The following HEATR5B variants were observed in gnomAD, a reference collection of about 807,000 sequenced individuals.
HEATR5B encodes the protein HEAT repeat-containing protein 5B.
Under a neutral mutation model 224.1 loss-of-function variants are expected in HEATR5B, and 156 were observed. The observed-to-expected ratio is 0.70, with a 90% confidence interval of 0.61 to 0.80. The LOEUF is 0.80. Ranked by LOEUF, HEATR5B falls within the 30% of genes least tolerant of loss-of-function variation. The pLI is 0.00. For missense variants in HEATR5B, 2,323 were observed against 2,535.5 expected (o/e 0.92, Z 1.80); for synonymous variants, 1,027 against 893.0 (o/e 1.15, Z -2.68).
chr2:37,040,477 A>G lies in HEATR5B; in HGVS notation c.2898T>C (p.Ser966=), dbSNP rs1669801532. Residue 966 remains serine (S), a synonymous_variant, in exon 20 of 36, where the codon AGT becomes AGC. Transcript: ENST00000233099. ...CCACATAGCCACGATACATCGGACC[A>G]CTAGAATCCACTATCAAAGCAAGTG... ...LHSLALIVDS[S]GPMYRGYVEP... 5 of 1,612,354 alleles carry G rather than the reference A, an allele frequency of 3.1e-6. No individual in the cohort carries two copies. Among genetic ancestry groups the G allele is most frequent in the South Asian group, 2.2e-5 (2 of 90,446 alleles).
chr2:37,040,706 A>T (rs1004132616), intron 19 of HEATR5B, among the ~76,000 whole-genome samples, 188 bp from the exon 20 acceptor site: 1 of 152,184 alleles, frequency 6.6e-6, no homozygotes, highest in Non-Finnish European at 1.5e-5. Flanking sequence ...TTACTTATGT[A>T]TAATAACGTC....
chr2:37,048,661 A>G (rs1385820770), intron 18 of HEATR5B, among the ~76,000 whole-genome samples: 1 of 152,212 alleles, frequency 6.6e-6, no homozygotes, highest in Non-Finnish European at 1.5e-5. Flanking sequence ...TTCATAATCA[A>G]TGGCAAATAT....
intron 18 of HEATR5B, among the ~76,000 whole-genome samples, 181 bp downstream of exon 18, chr2:37,049,472 C>A (rs922688704): frequency 6.6e-6 from 1 of 152,130 alleles, no homozygotes; most frequent in Admixed American, 6.6e-5. Flanking sequence ...TAACATATTA[C>A]AACTTTCCCA....
intron 22 of HEATR5B, among the ~76,000 whole-genome samples, chr2:37,032,214 TA>T (rs1669178621): frequency 6.6e-6 from 1 of 152,094 alleles, no homozygotes; most frequent in Non-Finnish European, 1.5e-5. Context: ...AAGCTGCAAA[TA>T]ATTTTTTTTA....
Position 37,079,141 on chromosome 2 carries a change from G to A in HEATR5B, c.317C>T (p.Ala106Val), listed in dbSNP as rs369606816. Residue 106 changes from alanine to valine, a missense_variant, in exon 3 of 36, where the codon GCG becomes GTG. By Grantham distance (64) the Ala-to-Val change is moderately conservative (BLOSUM62 0). Transcript: ENST00000233099. The stretch of plus-strand genomic sequence containing the variant: ...TTACAATTTTGTTGGTAAGTAGGCC[G>A]CAGTGTCATCTTTATTTCTGATAAT... ...NDIIRNKDDTAAYLPTKLAAV... is the reference protein window; with the variant it reads ...NDIIRNKDDTVAYLPTKLAAV... 23 of 1,601,604 alleles carry A rather than the reference G, an allele frequency of 1.4e-5. No individual in the cohort carries two copies. The highest frequency in any genetic ancestry group is 4.5e-5 in the East Asian group (2 of 44,760).
At chr2:37,017,374 C>G (rs1315237432) in intron 26 of HEATR5B, among the ~76,000 whole-genome samples, 2 of 150,002 alleles carry the variant, frequency 1.3e-5, no homozygotes, top group Non-Finnish European at 3.0e-5. Context: ...GCCTGGGCAA[C>G]AGAGGGAGAC....
chr2:37,028,118 CT>C lies in HEATR5B; in HGVS notation c.3657del (p.Asp1220MetfsTer12), dbSNP rs1217650828. 2 of 1,612,118 alleles carry C rather than the reference CT, an allele frequency of 1.2e-6. No individual in the cohort carries two copies. The highest frequency in any genetic ancestry group is 3.3e-5 in the Admixed American group (2 of 60,008). ...SSGKDEEAEK[K>X]DEMDDDTMFT... is the part of the protein sequence containing the mutation. Reference sequence around the variant, plus strand: ...AACATGGTATCATCATCCATCTCATCTTTCTTTTCAGCTTCTTCATCTTTTC... The same window carrying C: ...AACATGGTATCATCATCCATCTCATCTTCTTTTCAGCTTCTTCATCTTTTC... On this transcript the variant is annotated frameshift_variant, in exon 24 of 36. Transcript: ENST00000233099. LOFTEE classifies it high-confidence loss of function.
At chr2:37,065,187 T>C (rs1295599649) in intron 9 of HEATR5B, among the ~76,000 whole-genome samples, 197 bp from the exon 10 acceptor site, 1 of 152,196 alleles carries the variant, frequency 6.6e-6, no homozygotes, top group Non-Finnish European at 1.5e-5. Context: ...TACAATTATA[T>C]TCAATATTGA....
chr2:37,075,794 C>T (rs1317185043), intron 4 of HEATR5B, 160 bp from the exon 5 acceptor site: 1 of 463,716 alleles, frequency 2.2e-6, no homozygotes, highest in African/African-American at 2.0e-5. Flanking sequence ...TAGAAAGTAC[C>T]TGGCAAGTAA....
At chr2:36,982,176 T>A (rs1267837774) in intron 35 of HEATR5B, among the ~76,000 whole-genome samples, 1 of 152,164 alleles carries the variant, frequency 6.6e-6, no homozygotes. Context: ...GAAAAGCATC[T>A]ATTTACCATT....
chr2:37,010,715 C>T (rs1373744446), intron 27 of HEATR5B, among the ~76,000 whole-genome samples: 2 of 151,806 alleles, frequency 1.3e-5, no homozygotes, highest in African/African-American at 2.4e-5. Flanking sequence ...GGTTTCTCCA[C>T]GTTGGCCAGG....
rs201463240 is a variant in HEATR5B at position 37,061,919 on chromosome 2, C to T, written c.1696+20G>A. 413 of 1,477,442 alleles carry T rather than the reference C, an allele frequency of 2.8e-4. 4 individuals are homozygous for T. Among genetic ancestry groups the T allele is most frequent in the South Asian group, 1.6e-3 (136 of 87,536 alleles). 91.5% of individuals were successfully genotyped at this position (1,477,442 alleles called of 1,614,324 possible). On this transcript the variant is annotated intron_variant, in intron 11 of 35. Transcript: ENST00000233099. ...TGACAGTTATAGCGTGACAAAAATC[C>T]TACTCAAATATAATTATACCTAAAG...
At chr2:37,014,136 A>C in intron 26 of HEATR5B, 116 bp from the exon 27 acceptor site, 2 of 525,938 alleles carry the variant, frequency 3.8e-6, no homozygotes, top group South Asian at 3.3e-5. Context: ...ACAAAACAAA[A>C]TAAACTACCC....
At chr2:37,000,951 T>C (rs1667053029) in intron 32 of HEATR5B, 138 bp from the exon 33 acceptor site, 1 of 601,782 alleles carries the variant, frequency 1.7e-6, no homozygotes, top group Admixed American at 3.0e-5. Flanking sequence ...TTTACTGTAT[T>C]ACTACTACTA....
In HEATR5B at chr2:37,020,699, G is replaced by C; in HGVS notation, c.3991C>G (p.Pro1331Ala). 6.3e-7 allele frequency: 1 copy of C among 1,597,262 alleles called. No homozygotes were observed. The highest frequency in any genetic ancestry group is 8.5e-7 in the Non-Finnish European group (1 of 1,176,120). Reference sequence around the variant, plus strand: ...AGTATCACATGACCTGGAAATTCTGGCTCAGGCACAGACGCAAACTTCTTG... The same window carrying C: ...AGTATCACATGACCTGGAAATTCTGCCTCAGGCACAGACGCAAACTTCTTG... ...IIKKFASVPE[P>A]EFPGHVILEQ... The change falls in exon 25 of 36, where the codon CCA becomes GCA. Residue 1331 changes from proline to alanine, a missense_variant. Physicochemically the swap from Pro to Ala is conservative, Grantham distance 27. This residue lies in a region of HEATR5B where 339 missense variants were observed against 378.4 expected (regional missense o/e 0.90). Coordinates refer to ENST00000233099, the MANE Select transcript of HEATR5B (RefSeq NM_019024.3).
chr2:37,032,759 A>G lies in HEATR5B; in HGVS notation c.3231T>C (p.Ser1077=). Residue 1077 remains serine, a synonymous_variant, in exon 22 of 36, where the codon AGT becomes AGC. Coordinates refer to ENST00000233099, the MANE Select transcript of HEATR5B (RefSeq NM_019024.3). ...LVPSLCVHLC[S]SHLLLRRAAV... ...CTGCTCGTCGAAGTAACAAATGGGAACTACATAAGTGAACCTGTAAATCAT... is the reference window on the plus strand; with the variant it reads ...CTGCTCGTCGAAGTAACAAATGGGAGCTACATAAGTGAACCTGTAAATCAT... 1.9e-6 allele frequency: 3 copies of G among 1,613,070 alleles called. No individual in the cohort carries two copies. The highest frequency in any genetic ancestry group is 2.2e-5 in the East Asian group (1 of 44,886).
At chr2:37,025,786 T>C (rs989961664) in intron 24 of HEATR5B, among the ~76,000 whole-genome samples, 2 of 152,208 alleles carry the variant, frequency 1.3e-5, no homozygotes, top group African/African-American at 4.8e-5. Context: ...ATTTTCACTA[T>C]TCCCTAAATG....
Position 37,058,494 on chromosome 2 carries a change from T to C in HEATR5B, c.2016A>G (p.Arg672=). 6.2e-7 allele frequency: 1 copy of C among 1,613,204 alleles called. No homozygotes were observed. Among genetic ancestry groups the C allele is most frequent in the Non-Finnish European group, 8.5e-7 (1 of 1,179,232 alleles). The change falls in exon 14 of 36, where the codon AGA becomes AGG. Residue 672 remains arginine, a synonymous_variant. Coordinates refer to ENST00000233099, the MANE Select transcript of HEATR5B (RefSeq NM_019024.3). ...GTAACAAAGCCAAGATATCATAAAG[T>C]CTTAAACGGACCATTGCAGCACTAG... ...LKASAAMVRL[R]LYDILALLPP... is the part of the protein sequence containing the mutation.
rs1667149528 is a variant in HEATR5B, at chr2:37,002,424, C to G, written c.5199G>C (p.Lys1733Asn). Reference sequence around the variant, plus strand: ...CTATGTGACTTGGAGAGTCTGACACCTTGGTACTGAGATGTGGCATATGCC... The same window carrying G: ...CTATGTGACTTGGAGAGTCTGACACGTTGGTACTGAGATGTGGCATATGCC... ...LVRHMPHLSTKVSDSPSHIAT... is the reference protein window; with the variant it reads ...LVRHMPHLSTNVSDSPSHIAT... Residue 1733 changes from lysine (K) to asparagine (N), a missense_variant, in exon 32 of 36, where the codon AAG (lysine) becomes AAC (asparagine). By Grantham distance (94) the Lys-to-Asn change is moderately conservative (BLOSUM62 0). Coordinates refer to ENST00000233099, the MANE Select transcript of HEATR5B (RefSeq NM_019024.3). The G allele has an allele frequency of 6.2e-7, 1 of 1,614,108 alleles. No individual in the cohort carries two copies. Among genetic ancestry groups the G allele is most frequent in the Non-Finnish European group, 8.5e-7 (1 of 1,180,054 alleles).
Sources: gnomAD v4.1 joint callset for allele counts (sites outside exome capture counted in the v4.1 genomes callset) on GRCh38, gnomAD v4.1.1 for gene constraint, gnomAD v4.1.1 regional missense constraint, MANE v1.5 for transcripts, NCBI Gene and HGNC (gene_info 2026-07-23, HGNC 2026-07-21) for gene names.